The following PTPRN2 variants were observed in gnomAD, a reference collection of about 807,000 sequenced individuals.
The protein encoded by PTPRN2 is receptor-type tyrosine-protein phosphatase N2.
PTPRN2 carries 74 observed loss-of-function variants against 118.8 expected under a neutral mutation model. The observed-to-expected ratio is 0.62, with a 90% CI of 0.52 to 0.76. The LOEUF (loss-of-function observed/expected upper bound fraction) is 0.76. Among genes scored for constraint, PTPRN2 ranks in the 30% least tolerant of loss-of-function variants. The pLI is 0.00. For missense variants in PTPRN2, 1,481 were observed against 1,394.4 expected (o/e 1.06, Z -0.99); for synonymous variants, 641 against 608.0 (o/e 1.05, Z -0.80).
intron 11 of PTPRN2, among the ~76,000 whole-genome samples, chr7:158,017,585 T>C (rs1806544752): frequency 1.3e-5 from 2 of 152,238 alleles, no homozygotes. Flanking sequence ...CTCATTTCTA[T>C]GTTAACCACA....
intron 11 of PTPRN2, among the ~76,000 whole-genome samples, chr7:157,930,889 A>AT (rs958801310): frequency 4.1e-5 from 6 of 146,630 alleles, no homozygotes; most frequent in East Asian, 2.0e-4. Flanking sequence ...CATTTTGATA[A>AT]TTTTTTTTCG....
rs113755509 is a variant in PTPRN2, at chr7:157,671,934, G to C, written c.2001+10791C>G. On this transcript the variant is annotated intron_variant, in intron 13 of 22. Transcript: ENST00000389418. This position sits in a 1 kb window ranked among gnomAD's most constrained non-coding sequence, Gnocchi z 4.1. ...GTACGGGGAGTTTCTAAAAGTCTAC[G>C]CTGTACCCCAAGAAGGGGACGGGTG... Among the ~76,000 whole-genome samples, 15 of 152,016 alleles carry C rather than the reference G, an allele frequency of 9.9e-5. No homozygotes were observed.
chr7:158,106,265 A>G (rs988097854), intron 10 of PTPRN2, among the ~76,000 whole-genome samples: 1 of 151,588 alleles, frequency 6.6e-6, no homozygotes, highest in Non-Finnish European at 1.5e-5. Context: ...CCCCAGCTCC[A>G]TTTCTGCTCT....
chr7:158,265,728 C>T (rs1797827933), intron 3 of PTPRN2, among the ~76,000 whole-genome samples: 1 of 152,210 alleles, frequency 6.6e-6, no homozygotes, highest in Non-Finnish European at 1.5e-5. Context: ...TTGATGAGTA[C>T]AGCTGGAAAT....
At chr7:158,364,717 C>T (rs1344752560) in intron 2 of PTPRN2, among the ~76,000 whole-genome samples, 2 of 152,156 alleles carry the variant, frequency 1.3e-5, no homozygotes, top group African/African-American at 4.8e-5. Flanking sequence ...ATCCAAGCCT[C>T]GGATGTGTTT....
intron 6 of PTPRN2, among the ~76,000 whole-genome samples, chr7:158,164,213 A>C (rs1252972053): frequency 1.3e-5 from 2 of 148,638 alleles, no homozygotes; most frequent in African/African-American, 2.6e-5. Flanking sequence ...GGCACACAGA[A>C]CAGGAGCGCG....
At position 158,247,382 on chromosome 7, in the gene PTPRN2, C is replaced by T. The variant is rs552189516; in HGVS notation, c.278-42109G>A. Among the ~76,000 whole-genome samples, 16 of 151,876 alleles carry T rather than the reference C, an allele frequency of 1.1e-4. No homozygotes were observed. The South Asian group carries it at 2.1e-3, about 20-fold the overall frequency. On this transcript the variant is annotated intron_variant, in intron 3 of 22. Transcript: ENST00000389418. ...AGGAGGGCGCTCTTGACCGTGTCTG[C>T]GTGTCTAAGCAAAGGATACAGGGGC...
At position 157,813,054 on chromosome 7, in the gene PTPRN2, C is replaced by T. The variant is rs1268955749; in HGVS notation, c.1788+85619G>A. Among the ~76,000 whole-genome samples the T allele has an allele frequency of 3.3e-5, 5 of 152,136 alleles. No individual in the cohort carries two copies. Among genetic ancestry groups the T allele is most frequent in the African/African-American group, 9.7e-5 (4 of 41,412 alleles). On this transcript the variant is annotated intron_variant, in intron 12 of 22. Coordinates refer to ENST00000389418, the MANE Select transcript of PTPRN2 (RefSeq NM_002847.5). The surrounding 1 kb of genome is among the most constrained non-coding windows in gnomAD (Gnocchi z 4.7). ...GATGACTCGGTGACAAACAGGAGGA[C>T]GGTGCTCAAATGACTGTGACACGTG...
At chr7:158,519,630 T>A (rs1379862585) in intron 1 of PTPRN2, among the ~76,000 whole-genome samples, 1 of 152,162 alleles carries the variant, frequency 6.6e-6, no homozygotes, top group Non-Finnish European at 1.5e-5. Flanking sequence ...ACTCTGGACC[T>A]TCATTCTAAA....
intron 2 of PTPRN2, among the ~76,000 whole-genome samples, chr7:158,432,871 G>C (rs964376995): frequency 2.0e-5 from 3 of 152,176 alleles, no homozygotes; most frequent in East Asian, 1.9e-4. Context: ...AAACAGGAAC[G>C]AGGAAGGGGG....
chr7:158,275,742 G>A (rs1257974483), intron 3 of PTPRN2, among the ~76,000 whole-genome samples: 4 of 152,142 alleles, frequency 2.6e-5, no homozygotes, highest in African/African-American at 4.8e-5. Flanking sequence ...GCACCTCCAC[G>A]TGTGGCAGGC....
chr7:157,987,483 G>A lies in PTPRN2; in HGVS notation c.1724-88746C>T, dbSNP rs1377212421. ...GGCGTAGTGTCCGGTCACTAATAGG[G>A]TGTGATGACCTGTCAGTCATTATCT... On this transcript the variant is annotated intron_variant, in intron 11 of 22. Coordinates refer to ENST00000389418, the MANE Select transcript of PTPRN2 (RefSeq NM_002847.5). The surrounding 1 kb of genome is among the most constrained non-coding windows in gnomAD (Gnocchi z 4.3). Among the ~76,000 whole-genome samples the A allele has an allele frequency of 6.6e-6, 1 of 152,124 alleles. No individual in the cohort carries two copies. Among genetic ancestry groups the A allele is most frequent in the Admixed American group, 6.5e-5 (1 of 15,286 alleles).
chr7:158,389,694 G>T (rs1172194753), intron 2 of PTPRN2, among the ~76,000 whole-genome samples: 1 of 152,262 alleles, frequency 6.6e-6, no homozygotes, highest in Admixed American at 6.5e-5. Flanking sequence ...ACCAGGCCCT[G>T]CGAGAACACG....
At chr7:157,577,325 G>C (rs1183248277) in intron 18 of PTPRN2, among the ~76,000 whole-genome samples, 1 of 152,188 alleles carries the variant, frequency 6.6e-6, no homozygotes, top group Admixed American at 6.5e-5. Flanking sequence ...CAGCTGTGTG[G>C]TTTAAGGTTC....
intron 2 of PTPRN2, among the ~76,000 whole-genome samples, chr7:158,378,675 CTCCAGGG>C (rs913295711): frequency 1.0e-4 from 15 of 150,034 alleles, no homozygotes; most frequent in East Asian, 5.8e-4. Context: ...GTCCAGCACA[CTCCAGGG>C]TCCAGGGTCC....
In PTPRN2 at chr7:157,568,846, A is replaced by G. The variant is rs371671584; in HGVS notation, c.2902+56T>C. 5.3e-5 allele frequency: 80 copies of G among 1,509,990 alleles called. No individual in the cohort carries two copies. In the African/African-American group the frequency reaches 9.8e-4, roughly 18 times the overall value. 93.5% of individuals were successfully genotyped at this position (1,509,990 alleles called of 1,614,324 possible). A position where few individuals can be genotyped will look rare whatever the true frequency, so the allele number is the denominator to read the frequency against. ...CGTGAACACGGCACCCTACGTTGCC[A>G]TAGCGACGCCATCCCAGCTCTGAGC... On this transcript the variant is annotated intron_variant, in intron 21 of 22. Transcript: ENST00000389418.
In PTPRN2 at chr7:158,237,705, C is replaced by T. The variant is rs1334075529; in HGVS notation, c.278-32432G>A. Among the ~76,000 whole-genome samples, 5 of 136,584 alleles carry T rather than the reference C, an allele frequency of 3.7e-5. 2 individuals are homozygous for T. The highest frequency in any genetic ancestry group is 2.2e-4 in the Admixed American group (3 of 13,494). The allele number at this position is 136,584 out of a possible 152,430, so 89.6% of individuals were successfully genotyped here. A position where few individuals can be genotyped will look rare whatever the true frequency, so the allele number is the denominator to read the frequency against. Reference sequence around the variant, plus strand: ...GTGTCTTTTTCTTTTCCAAATCTCTCGTCCCACCTTACGAGAAACACCCAC... The same window carrying T: ...GTGTCTTTTTCTTTTCCAAATCTCTTGTCCCACCTTACGAGAAACACCCAC... On this transcript the variant is annotated intron_variant, in intron 3 of 22. Coordinates refer to ENST00000389418, the MANE Select transcript of PTPRN2 (RefSeq NM_002847.5).
At chr7:157,991,146 G>C (rs1804225543) in intron 11 of PTPRN2, among the ~76,000 whole-genome samples, 1 of 152,188 alleles carries the variant, frequency 6.6e-6, no homozygotes, top group African/African-American at 2.4e-5. Flanking sequence ...GAGCTTCCCT[G>C]AGAGGCACCC....
intron 11 of PTPRN2, among the ~76,000 whole-genome samples, chr7:157,947,285 A>C (rs1394956396): frequency 6.6e-6 from 1 of 152,238 alleles, no homozygotes; most frequent in East Asian, 1.9e-4. Flanking sequence ...AGCTGACAAA[A>C]ATGGACAGAA....
Sources: allele counts gnomAD v4.1 joint callset (sites outside exome capture counted in the v4.1 genomes callset), GRCh38; gene constraint gnomAD v4.1.1; non-coding constraint Gnocchi (gnomAD v3.1); transcripts MANE v1.5; gene names NCBI Gene and HGNC (gene_info 2026-07-23, HGNC 2026-07-21).